FAM83B: variants seen among roughly 807,000 people sequenced by gnomAD.
The protein encoded by FAM83B is scaffolding CK1 anchoring protein B.
A neutral mutation model predicts 38.8 loss-of-function variants in FAM83B; 26 were observed. The observed-to-expected ratio is 0.67, with a 90% confidence interval of 0.49 to 0.93. FAM83B has a LOEUF of 0.93. FAM83B is among the 40% of genes least tolerant of loss of function. FAM83B has a pLI of 0.00. For missense variants in FAM83B, 1,237 were observed against 1,197.3 expected (o/e 1.03, Z -0.49); for synonymous variants, 419 against 423.1 (o/e 0.99, Z 0.12).
In FAM83B at chr6:54,941,906, C is replaced by A. The variant is rs779990721; in HGVS notation, c.2935C>A (p.Leu979Ile). ...GNSYGRSSPL[L>I]NYNTGVYRSY... ...CAGTTATGGCAGGTCTAGTCCATTG[C>A]TTAATTACAACACTGGTGTTTATCG... Residue 979 changes from leucine to isoleucine, a missense_variant, in exon 5 of 5, where the codon CTT becomes ATT. Coordinates refer to ENST00000306858, the MANE Select transcript of FAM83B (RefSeq NM_001010872.3). 1 of 1,614,000 alleles carries A rather than the reference C, an allele frequency of 6.2e-7. No individual in the cohort carries two copies. Among genetic ancestry groups the A allele is most frequent in the Admixed American group, 1.7e-5 (1 of 59,974 alleles).
chr6:54,878,898 T>A (rs966270316), intron 2 of FAM83B, among the ~76,000 whole-genome samples: 2 of 152,182 alleles, frequency 1.3e-5, no homozygotes, highest in Non-Finnish European at 2.9e-5. Context: ...GTATCTTAGA[T>A]GGTCAGGTGG....
intron 4 of FAM83B, among the ~76,000 whole-genome samples, chr6:54,934,567 T>A (rs1445857866): frequency 6.6e-6 from 1 of 152,128 alleles, no homozygotes; most frequent in East Asian, 1.9e-4. Flanking sequence ...ACTGAAGATA[T>A]TCTAGAAGCA....
chr6:54,884,674 C>G (rs1356399119), intron 2 of FAM83B, among the ~76,000 whole-genome samples: 1 of 151,984 alleles, frequency 6.6e-6, no homozygotes, highest in Non-Finnish European at 1.5e-5. Flanking sequence ...TATTTCTGGA[C>G]TCTATTCTAA....
chr6:54,852,436 A>T (rs980041307), intron 1 of FAM83B, among the ~76,000 whole-genome samples: 1 of 152,200 alleles, frequency 6.6e-6, no homozygotes, highest in Non-Finnish European at 1.5e-5. Flanking sequence ...ATGTGCACAT[A>T]TGACAGTGAA....
chr6:54,911,408 G>C (rs1229252927), intron 2 of FAM83B, among the ~76,000 whole-genome samples: 1 of 151,964 alleles, frequency 6.6e-6, no homozygotes, highest in Admixed American at 6.5e-5. Context: ...ACCTCAGGAA[G>C]TGGGGTTAGG....
At chr6:54,925,428 G>C (rs1011067512) in intron 2 of FAM83B, among the ~76,000 whole-genome samples, 5 of 152,148 alleles carry the variant, frequency 3.3e-5, no homozygotes, top group African/African-American at 1.2e-4. Context: ...CACATAGAAG[G>C]TGGACAGCCA....
In FAM83B at chr6:54,941,813, C is replaced by T. The variant is rs1197491084; in HGVS notation, c.2842C>T (p.Gln948Ter). ...GTTTTGTAAGATTGAGAGCTCTATTCAGCCAACAAGCAACATGCCAAATAC... is the reference window on the plus strand; with the variant it reads ...GTTTTGTAAGATTGAGAGCTCTATTTAGCCAACAAGCAACATGCCAAATAC... ...EPFCKIESSI[Q>*]PTSNMPNTSI... The change falls in exon 5 of 5, where the codon CAG (glutamine) becomes TAG (stop). Residue 948 changes from glutamine (Q) to a stop codon, truncating the protein, a stop_gained. Transcript: ENST00000306858. LOFTEE classifies it high-confidence loss of function. The T allele has an allele frequency of 6.8e-6, 11 of 1,607,358 alleles. No individual in the cohort carries two copies. The highest frequency in any genetic ancestry group is 8.5e-6 in the Non-Finnish European group (10 of 1,176,282).
At position 54,883,902 on chromosome 6, in the gene FAM83B, G is replaced by A. The variant is rs147858005; in HGVS notation, c.444+13212G>A. Among the ~76,000 whole-genome samples, 765 of 151,958 alleles carry A rather than the reference G, an allele frequency of 5.0e-3. 6 individuals carry two copies. Among genetic ancestry groups the A allele is most frequent in the African/African-American group, 0.017 (686 of 41,482 alleles). On this transcript the variant is annotated intron_variant, in intron 2 of 4. Coordinates refer to ENST00000306858, the MANE Select transcript of FAM83B (RefSeq NM_001010872.3). ...GAAATACTTGCAGCTGAGTGCAGTG[G>A]CTCATGCCTGTAATCCCAGGACTTT...
chr6:54,937,919 T>A (rs536181782), intron 4 of FAM83B, among the ~76,000 whole-genome samples: 1 of 152,184 alleles, frequency 6.6e-6, no homozygotes, highest in East Asian at 1.9e-4. Context: ...GAACAGTTGG[T>A]TTTTGGTTGC....
intron 2 of FAM83B, among the ~76,000 whole-genome samples, chr6:54,896,945 TAA>T (rs1163860129): frequency 1.3e-5 from 2 of 152,328 alleles, no homozygotes; most frequent in Non-Finnish European, 2.9e-5. Flanking sequence ...ATATTATAGT[TAA>T]GTCTAGATTC....
rs113928432 is a variant in FAM83B, at chr6:54,898,998, C to T, written c.445-27373C>T. Among the ~76,000 whole-genome samples the T allele has an allele frequency of 3.2e-3, 494 of 152,258 alleles. 1 individual carries two copies. The highest frequency in any genetic ancestry group is 0.011 in the African/African-American group (463 of 41,534). On this transcript the variant is annotated intron_variant, in intron 2 of 4. Transcript: ENST00000306858. The stretch of plus-strand genomic sequence containing the variant: ...ATGCTGCTATGCACATTTTCTGTAG[C>T]ACTTAATCAGGCAGTGACTCAAATC...
intron 4 of FAM83B, among the ~76,000 whole-genome samples, chr6:54,931,075 G>C (rs770729582): frequency 6.6e-6 from 1 of 152,052 alleles, no homozygotes. Flanking sequence ...ACTCAAAACT[G>C]TGTTGTTTAA....
At chr6:54,894,144 A>G (rs1772465093) in intron 2 of FAM83B, among the ~76,000 whole-genome samples, 1 of 152,182 alleles carries the variant, frequency 6.6e-6, no homozygotes, top group African/African-American at 2.4e-5. Context: ...CAAAGCTTAT[A>G]TTTAAGTATG....
chr6:54,936,951 T>G (rs1773535510), intron 4 of FAM83B, among the ~76,000 whole-genome samples: 1 of 138,976 alleles, frequency 7.2e-6, no homozygotes, highest in African/African-American at 2.7e-5. Flanking sequence ...GTATCATGCT[T>G]CCTATAGGCA....
chr6:54,885,711 G>T (rs1237340002), intron 2 of FAM83B, among the ~76,000 whole-genome samples: 1 of 150,814 alleles, frequency 6.6e-6, no homozygotes, highest in Non-Finnish European at 1.5e-5. Flanking sequence ...GCAAACTATC[G>T]CAAGGACTAA....
intron 2 of FAM83B, among the ~76,000 whole-genome samples, chr6:54,923,959 CCCA>C (rs1432865653): frequency 6.6e-6 from 1 of 151,654 alleles, no homozygotes; most frequent in African/African-American, 2.4e-5. Flanking sequence ...CACCTCACCT[CCCA>C]CCTTCTCTTG....
chr6:54,925,008 G>A (rs1773256623), intron 2 of FAM83B, among the ~76,000 whole-genome samples: 1 of 152,066 alleles, frequency 6.6e-6, no homozygotes, highest in Non-Finnish European at 1.5e-5. Flanking sequence ...GATACTGAAG[G>A]CTTTTAGTGA....
intron 1 of FAM83B, among the ~76,000 whole-genome samples, chr6:54,865,871 A>C (rs571235446): frequency 6.6e-6 from 1 of 152,164 alleles, no homozygotes; most frequent in African/African-American, 2.4e-5. Context: ...TAATGGTATG[A>C]AAAAACATCT....
intron 2 of FAM83B, among the ~76,000 whole-genome samples, chr6:54,874,159 C>T (rs183286248): frequency 6.6e-6 from 1 of 152,094 alleles, no homozygotes; most frequent in Admixed American, 6.5e-5. Context: ...CTTTTATAAG[C>T]AGAATGTGAT....
Sources: gnomAD v4.1 joint callset for allele counts (sites outside exome capture counted in the v4.1 genomes callset) on GRCh38, gnomAD v4.1.1 for gene constraint, MANE v1.5 for transcripts, NCBI Gene and HGNC (gene_info 2026-07-23, HGNC 2026-07-21) for gene names.